The following GLCE variants were observed in gnomAD, a reference collection of about 807,000 sequenced individuals.
GLCE encodes glucuronic acid epimerase.
GLCE carries 19 observed loss-of-function variants against 47.9 expected under a neutral mutation model. The observed-to-expected ratio is 0.40, with a 90% CI of 0.28 to 0.58. The LOEUF (loss-of-function observed/expected upper bound fraction) is 0.58. Ranked by LOEUF, GLCE falls within the 20% of genes least tolerant of loss-of-function variation. The pLI is 0.48. For synonymous variants in GLCE, 245 were observed against 263.4 expected (o/e 0.93, Z 0.68); for missense variants, 556 against 743.3 (o/e 0.75, Z 2.93).
chr15:69,190,927 G>C (rs1409477411), intron 1 of GLCE, among the ~76,000 whole-genome samples: 2 of 151,856 alleles, frequency 1.3e-5, no homozygotes, highest in African/African-American at 4.8e-5. Flanking sequence ...TAGGAACTTT[G>C]CCTCTTTTCT....
chr15:69,192,000 A>C lies in GLCE; in HGVS notation c.-104-18316A>C, dbSNP rs367798628. ...GTACCTTTTTACCTCTGGCTGCTTTAAATGTTTTCTTTATCATTATTTTCA... is the reference window on the plus strand; with the variant it reads ...GTACCTTTTTACCTCTGGCTGCTTTCAATGTTTTCTTTATCATTATTTTCA... On this transcript the variant is annotated intron_variant, in intron 1 of 4. Coordinates refer to ENST00000261858, the MANE Select transcript of GLCE (RefSeq NM_015554.3). Among the ~76,000 whole-genome samples, 11 of 152,176 alleles carry C rather than the reference A, an allele frequency of 7.2e-5. No homozygotes were observed. The East Asian group carries it at 1.4e-3, about 19-fold the overall frequency.
Position 69,260,984 on chromosome 15 carries a change from T to A in GLCE, c.587-103T>A, listed in dbSNP as rs1000451559. ...TATAAGGAAGCCCACAACTTCCTGA[T>A]AACCCTGTAAGATCCCCCAGAAGTA... On this transcript the variant is annotated intron_variant, in intron 3 of 4. Coordinates refer to ENST00000261858, the MANE Select transcript of GLCE (RefSeq NM_015554.3). 1.0e-5 allele frequency: 11 copies of A among 1,095,218 alleles called. No homozygotes were observed. In the South Asian group the frequency reaches 1.7e-4, roughly 17 times the overall value. 67.8% of individuals were successfully genotyped at this position (1,095,218 alleles called of 1,614,324 possible).
At chr15:69,229,762 G>A (rs2052496048) in intron 2 of GLCE, among the ~76,000 whole-genome samples, 1 of 151,516 alleles carries the variant, frequency 6.6e-6, no homozygotes, top group African/African-American at 2.4e-5. Context: ...TAGCTAGATA[G>A]CAGATATATA....
In GLCE at chr15:69,206,609, T is replaced by C. The variant is rs372766977; in HGVS notation, c.-104-3707T>C. Among the ~76,000 whole-genome samples, 36 of 152,170 alleles carry C rather than the reference T, an allele frequency of 2.4e-4. 1 individual carries two copies. The East Asian group carries it at 6.8e-3, about 29-fold the overall frequency. ...TATGTTATTTTGTTGCTAAAATTGTTCCAGTGTTGGTCCCTGTATTCCTTT... is the reference window on the plus strand; with the variant it reads ...TATGTTATTTTGTTGCTAAAATTGTCCCAGTGTTGGTCCCTGTATTCCTTT... On this transcript the variant is annotated intron_variant, in intron 1 of 4. Transcript: ENST00000261858.
intron 2 of GLCE, among the ~76,000 whole-genome samples, chr15:69,249,605 G>T (rs534137021): frequency 2.6e-5 from 4 of 152,204 alleles, no homozygotes; most frequent in African/African-American, 9.6e-5. Context: ...GAAATAATAA[G>T]CAGGGAAACT....
At chr15:69,215,475 T>C (rs986381543) in intron 2 of GLCE, among the ~76,000 whole-genome samples, 14 of 152,176 alleles carry the variant, frequency 9.2e-5, no homozygotes, top group African/African-American at 3.4e-4. Flanking sequence ...TTATCTGTTG[T>C]GGGACATCTG....
intron 1 of GLCE, among the ~76,000 whole-genome samples, chr15:69,166,362 G>A (rs1477338150): frequency 1.3e-5 from 2 of 152,168 alleles, no homozygotes; most frequent in Admixed American, 1.3e-4. Context: ...TGCTTATTCA[G>A]TGTTTAAAAT....
chr15:69,205,451 A>G (rs552812085), intron 1 of GLCE, among the ~76,000 whole-genome samples: 1 of 152,286 alleles, frequency 6.6e-6, no homozygotes, highest in African/African-American at 2.4e-5. Context: ...TAGAGCTTCT[A>G]TAAACATTTG....
chr15:69,166,851 C>T (rs368230456), intron 1 of GLCE, among the ~76,000 whole-genome samples: 47 of 128,966 alleles, frequency 3.6e-4, no homozygotes, highest in South Asian at 2.1e-3. Context: ...GCCTGGGAGA[C>T]GGAGGTTGCA....
intron 2 of GLCE, among the ~76,000 whole-genome samples, chr15:69,211,528 C>G (rs1228886014): frequency 1.3e-5 from 2 of 151,502 alleles, no homozygotes; most frequent in African/African-American, 2.4e-5. Context: ...GTTTGTGATT[C>G]CTAAAATTAT....
intron 1 of GLCE, among the ~76,000 whole-genome samples, chr15:69,209,196 CATT>C (rs2052193148): frequency 6.6e-6 from 1 of 151,896 alleles, no homozygotes; most frequent in African/African-American, 2.4e-5. Flanking sequence ...CTTGTTAAAG[CATT>C]CTGTAATAAT....
At chr15:69,197,087 C>T in intron 1 of GLCE, 2 of 326,828 alleles carry the variant, frequency 6.1e-6, no homozygotes, top group Non-Finnish European at 1.2e-5. Context: ...CTCTGAGATG[C>T]ATGGAAAGCT....
intron 2 of GLCE, among the ~76,000 whole-genome samples, chr15:69,212,199 A>G (rs2052242438): frequency 6.6e-6 from 1 of 151,982 alleles, no homozygotes; most frequent in Non-Finnish European, 1.5e-5. Flanking sequence ...TTAGGAATAA[A>G]ATAATCAATT....
chr15:69,186,776 G>A (rs762200056), intron 1 of GLCE, among the ~76,000 whole-genome samples: 27 of 152,080 alleles, frequency 1.8e-4, no homozygotes, highest in Non-Finnish European at 4.0e-4. Context: ...GTTTTTGAAG[G>A]TATCAACTAG....
Position 69,166,777 on chromosome 15 carries a change from G to C in GLCE, c.-105+6020G>C, listed in dbSNP as rs183518401. The stretch of plus-strand genomic sequence containing the variant: ...TCTACTAAAAATACAAAAATTAGCC[G>C]GGCGTGGTGGCACACGCCTGTAATC... On this transcript the variant is annotated intron_variant, in intron 1 of 4. Transcript: ENST00000261858. Among the ~76,000 whole-genome samples the C allele has an allele frequency of 5.8e-3, 846 of 145,548 alleles. 10 individuals carry two copies. The highest frequency in any genetic ancestry group is 0.021 in the African/African-American group (812 of 38,518).
intron 3 of GLCE, among the ~76,000 whole-genome samples, chr15:69,256,827 C>G (rs1025633014): frequency 6.6e-6 from 1 of 152,148 alleles, no homozygotes; most frequent in Non-Finnish European, 1.5e-5. Flanking sequence ...CAGAACAAGA[C>G]AATATGTAGA....
intron 1 of GLCE, among the ~76,000 whole-genome samples, chr15:69,192,764 A>G (rs2051932101): frequency 6.6e-6 from 1 of 152,040 alleles, no homozygotes; most frequent in Non-Finnish European, 1.5e-5. Flanking sequence ...AGTAGCCTTA[A>G]GGACTAATTT....
chr15:69,247,089 A>G (rs2140426623), intron 2 of GLCE, among the ~76,000 whole-genome samples: 1 of 152,366 alleles, frequency 6.6e-6, no homozygotes, highest in South Asian at 2.1e-4. Context: ...CAGTTGCATT[A>G]GCCCCTAACG....
chr15:69,161,270 G>A (rs986396351), intron 1 of GLCE, among the ~76,000 whole-genome samples: 68 of 152,204 alleles, frequency 4.5e-4, no homozygotes, highest in African/African-American at 1.6e-3. Context: ...GTGGGCGTCC[G>A]TTTCGCATTG....
Sources: gnomAD v4.1 joint callset for allele counts (sites outside exome capture counted in the v4.1 genomes callset) on GRCh38, gnomAD v4.1.1 for gene constraint, MANE v1.5 for transcripts, NCBI Gene and HGNC (gene_info 2026-07-23, HGNC 2026-07-21) for gene names.